DGKG: variants seen among roughly 807,000 people sequenced by gnomAD.
The protein encoded by DGKG is DAG kinase gamma.
A neutral mutation model predicts 105.3 loss-of-function variants in DGKG; 78 were observed. The observed-to-expected ratio is 0.74, with a 90% CI of 0.62 to 0.89. The LOEUF is 0.89. Among genes scored for constraint, DGKG ranks in the 40% least tolerant of loss-of-function variants. The pLI, the probability that DGKG is intolerant of heterozygous loss-of-function variation, is 0.00. For synonymous variants in DGKG, 346 were observed against 367.1 expected, an observed-to-expected ratio of 0.94 and a Z score of 0.66; for missense variants, 958 against 1,020.1, an observed-to-expected ratio of 0.94 and a Z score of 0.83.
chr3:186,344,529 T>G (rs1726238939), intron 1 of DGKG, among the ~76,000 whole-genome samples: 1 of 152,072 alleles, frequency 6.6e-6, no homozygotes, highest in Non-Finnish European at 1.5e-5. Flanking sequence ...GGGAGCTAAA[T>G]GATAAGAACT....
At chr3:186,294,268 C>T (rs1013805724) in intron 5 of DGKG, among the ~76,000 whole-genome samples, 8 of 152,140 alleles carry the variant, frequency 5.3e-5, no homozygotes, top group African/African-American at 1.4e-4. Flanking sequence ...GAAACATTAG[C>T]CACTAAAACA....
intron 17 of DGKG, among the ~76,000 whole-genome samples, chr3:186,254,044 C>A (rs1292097166): frequency 6.6e-6 from 1 of 152,166 alleles, no homozygotes; most frequent in Non-Finnish European, 1.5e-5. Context: ...TCAGACAGAA[C>A]CATCAGAGAA....
chr3:186,168,368 T>TA (rs1716656458), intron 22 of DGKG, among the ~76,000 whole-genome samples: 1 of 151,952 alleles, frequency 6.6e-6, no homozygotes, highest in East Asian at 1.9e-4. Context: ...ACATATAATA[T>TA]AAGCACTCCA....
At chr3:186,244,554 G>T (rs147256352) in intron 19 of DGKG, among the ~76,000 whole-genome samples, 1 of 151,702 alleles carries the variant, frequency 6.6e-6, no homozygotes, top group Admixed American at 6.6e-5. Flanking sequence ...ACAGGCATCC[G>T]CCACCATGTC....
At chr3:186,242,684 T>G in intron 19 of DGKG, 116 bp from the exon 20 acceptor site, 1 of 818,230 alleles carries the variant, frequency 1.2e-6, no homozygotes, top group South Asian at 2.1e-5. Context: ...ACTCTATCTA[T>G]CGCATGGTGG....
chr3:186,297,334 C>T, intron 5 of DGKG, 87 bp downstream of exon 5: 3 of 991,912 alleles, frequency 3.0e-6, no homozygotes, highest in South Asian at 1.3e-5. Flanking sequence ...TATATGAAGA[C>T]AGCACTGTTG....
At position 186,149,155 on chromosome 3, in the gene DGKG, C is replaced by T. The variant is rs1715639153; in HGVS notation, c.*935G>A. 2 of 984,976 alleles carry T rather than the reference C, an allele frequency of 2.0e-6. No homozygotes were observed. Among genetic ancestry groups the T allele is most frequent in the Non-Finnish European group, 2.4e-6 (2 of 829,780 alleles). 61.0% of individuals were successfully genotyped at this position (984,976 alleles called of 1,614,324 possible). ...GTTCCTTCCTTCCCATCTTTTCTGC[C>T]TTCAGGAATAGTCTGCCACCAGGGC... On this transcript the variant is annotated 3_prime_UTR_variant, in exon 25 of 25. Transcript: ENST00000265022.
intron 22 of DGKG, among the ~76,000 whole-genome samples, chr3:186,173,785 G>A (rs1403499715): frequency 6.6e-6 from 1 of 152,252 alleles, no homozygotes; most frequent in Non-Finnish European, 1.5e-5. Flanking sequence ...CCTAAAGACT[G>A]TTTCCTGATC....
At chr3:186,324,800 A>G (rs1725255726) in intron 1 of DGKG, among the ~76,000 whole-genome samples, 2 of 152,240 alleles carry the variant, frequency 1.3e-5, no homozygotes, top group Non-Finnish European at 1.5e-5. Flanking sequence ...AAGAACTTAA[A>G]ACAGACCTCC....
At chr3:186,238,274 T>C (rs974385) in intron 20 of DGKG, among the ~76,000 whole-genome samples, 127,563 of 140,402 alleles carry the variant, frequency 0.91, 58,427 homozygotes, top group East Asian at 1. Flanking sequence ...CCAGGCCAGG[T>C]GACAGAATGA....
intron 17 of DGKG, among the ~76,000 whole-genome samples, chr3:186,254,998 A>G (rs1383114234): frequency 6.6e-6 from 1 of 152,218 alleles, no homozygotes; most frequent in African/African-American, 2.4e-5. Flanking sequence ...CTTAAAGCAC[A>G]AAGCTCTCTG....
Position 186,288,600 on chromosome 3 carries a change from C to T in DGKG, c.544+110G>A, listed in dbSNP as rs186911695. ...AAGAAACCTCCCCAAAGAGGCGGGACGCATATCCGTGATATCAACTCAATC... is the reference window on the plus strand; with the variant it reads ...AAGAAACCTCCCCAAAGAGGCGGGATGCATATCCGTGATATCAACTCAATC... On this transcript the variant is annotated intron_variant, in intron 6 of 24. Transcript: ENST00000265022. 63 of 1,160,316 alleles carry T rather than the reference C, an allele frequency of 5.4e-5. No homozygotes were observed. The East Asian group carries it at 7.4e-4, about 14-fold the overall frequency. 71.9% of individuals were successfully genotyped at this position (1,160,316 alleles called of 1,614,324 possible).
At chr3:186,187,807 G>A (rs1208361150) in intron 22 of DGKG, among the ~76,000 whole-genome samples, 1 of 152,156 alleles carries the variant, frequency 6.6e-6, no homozygotes, top group African/African-American at 2.4e-5. Flanking sequence ...AGCAAATCAA[G>A]TCCTAGAAGC....
Position 186,215,412 on chromosome 3 carries a change from CA to C in DGKG, c.1827-3528del, listed in dbSNP as rs71632094. On this transcript the variant is annotated intron_variant, in intron 20 of 24. Transcript: ENST00000265022. ...GGTGATAGAGTGAGACCCCCATCTC[CA>C]AAAAAAAAAAAAAAAAAAAATTCTA... Among the ~76,000 whole-genome samples the C allele has an allele frequency of 8.2e-3, 599 of 73,384 alleles. 2 individuals are homozygous for C. Among genetic ancestry groups the C allele is most frequent in the African/African-American group, 0.022 (364 of 16,240 alleles). 48.1% of individuals were successfully genotyped at this position (73,384 alleles called of 152,430 possible).
At chr3:186,181,055 G>A (rs771741795) in intron 22 of DGKG, among the ~76,000 whole-genome samples, 1 of 152,210 alleles carries the variant, frequency 6.6e-6, no homozygotes, top group Non-Finnish European at 1.5e-5. Flanking sequence ...GTGAGGCCAC[G>A]GGCATGCCTA....
chr3:186,284,512 A>G lies in DGKG; in HGVS notation c.594+148T>C. 5 of 707,270 alleles carry G rather than the reference A, an allele frequency of 7.1e-6. No homozygotes were observed. The Admixed American group carries it at 8.9e-5, about 13-fold the overall frequency. 43.8% of individuals were successfully genotyped at this position (707,270 alleles called of 1,614,324 possible). ...GGCCCTTTGGAAATAGCGGGTGGAG[A>G]GGTCCTAGTCGGATTTCCTCAGCCT... On this transcript the variant is annotated intron_variant, in intron 7 of 24. Coordinates refer to ENST00000265022, the MANE Select transcript of DGKG (RefSeq NM_001346.3). This position sits in a 1 kb window ranked among gnomAD's most constrained non-coding sequence, Gnocchi z 4.0.
At chr3:186,202,150 A>G (rs1416608421) in intron 21 of DGKG, among the ~76,000 whole-genome samples, 1 of 152,236 alleles carries the variant, frequency 6.6e-6, no homozygotes, top group African/African-American at 2.4e-5. Context: ...ATGAAATAAG[A>G]CAGAGCTTGC....
At chr3:186,323,763 C>T (rs1005841123) in intron 1 of DGKG, among the ~76,000 whole-genome samples, 8 of 151,898 alleles carry the variant, frequency 5.3e-5, no homozygotes, top group East Asian at 1.9e-4. Context: ...AGTGAAACCC[C>T]GTCTCTACTA....
intron 20 of DGKG, among the ~76,000 whole-genome samples, chr3:186,224,615 T>C (rs1343365870): frequency 6.6e-6 from 1 of 152,202 alleles, no homozygotes; most frequent in Non-Finnish European, 1.5e-5. Context: ...AAATACTTTC[T>C]CTTGCTTTTG....
Sources: allele counts gnomAD v4.1 joint callset (sites outside exome capture counted in the v4.1 genomes callset), GRCh38; gene constraint gnomAD v4.1.1; non-coding constraint Gnocchi (gnomAD v3.1); transcripts MANE v1.5; gene names NCBI Gene and HGNC (gene_info 2026-07-23, HGNC 2026-07-21).